The following TOP3A variants were observed in gnomAD, a reference collection of about 807,000 sequenced individuals.
TOP3A encodes the protein DNA topoisomerase III alpha.
TOP3A carries 64 observed loss-of-function variants against 111.3 expected under a neutral mutation model. The observed-to-expected ratio is 0.57, with a 90% CI of 0.47 to 0.71. The LOEUF (loss-of-function observed/expected upper bound fraction) is 0.71, where lower values mean the gene tolerates loss of function less well. Ranked by LOEUF, TOP3A falls within the 30% of genes least tolerant of loss-of-function variation. The pLI is 0.00. For synonymous variants in TOP3A, 484 were observed against 485.1 expected, an observed-to-expected ratio of 1.00 and a Z score of 0.03; for missense variants, 1,104 against 1,285.0, an observed-to-expected ratio of 0.86 and a Z score of 2.15.
intron 16 of TOP3A, among the ~76,000 whole-genome samples, chr17:18,281,178 C>G (rs1010223030): frequency 6.6e-6 from 1 of 152,208 alleles, no homozygotes; most frequent in African/African-American, 2.4e-5. Flanking sequence ...TTTTTCAACA[C>G]CTTGCAGTCA....
intron 5 of TOP3A, among the ~76,000 whole-genome samples, chr17:18,303,378 C>A (rs1981358762): frequency 6.6e-6 from 1 of 152,106 alleles, no homozygotes; most frequent in East Asian, 1.9e-4. Flanking sequence ...GCCCGACACT[C>A]GTAAAGGGTC....
intron 9 of TOP3A, among the ~76,000 whole-genome samples, chr17:18,298,234 G>A (rs1030045533): frequency 6.0e-5 from 8 of 133,806 alleles, no homozygotes; most frequent in African/African-American, 1.7e-4. Flanking sequence ...CAGCAGCCGC[G>A]CCGTCTGAGA....
intron 10 of TOP3A, 129 bp downstream of exon 10, chr17:18,294,574 C>T (rs3764405): frequency 0.29 from 186,738 of 651,956 alleles, 28,513 homozygotes; most frequent in African/African-American, 0.33. Flanking sequence ...GTGATCTGCC[C>T]GCCTCAGCCA....
rs763986208 is a variant in TOP3A at position 18,294,764 on chromosome 17, G to A, written c.1012C>T (p.Arg338Ter). 6 of 1,613,668 alleles carry A rather than the reference G, an allele frequency of 3.7e-6. No homozygotes were observed. Among genetic ancestry groups the A allele is most frequent in the Admixed American group, 3.3e-5 (2 of 59,970 alleles). The change falls in exon 10 of 19, where the codon CGA (arginine) becomes TGA (stop). Residue 338 changes from arginine to a stop codon, truncating the protein, a stop_gained. Transcript: ENST00000321105. LOFTEE classifies it high-confidence loss of function. ...DTVELEKLAS[R>*]KLRINAKETM... ...TCTTTAGCATTTATTCTCAACTTTC[G>A]AGAAGCCAGCTTCTCAAGCTCCTGT...
intron 13 of TOP3A, 123 bp from the exon 14 acceptor site, chr17:18,285,643 C>G (rs1265233668): frequency 1.4e-6 from 1 of 704,272 alleles, no homozygotes; most frequent in Non-Finnish European, 2.4e-6. Flanking sequence ...AGGTAAGATG[C>G]CTTCATTTCA....
chr17:18,308,453 TTA>T (rs769403461), intron 2 of TOP3A, 29 bp from the exon 3 acceptor site: 1 of 1,490,736 alleles, frequency 6.7e-7, no homozygotes, highest in Non-Finnish European at 9.3e-7. Context: ...CAAAATTCAG[TTA>T]GTCTTTTTGC....
chr17:18,297,558 G>A (rs1325606032), intron 9 of TOP3A, among the ~76,000 whole-genome samples: 7 of 152,302 alleles, frequency 4.6e-5, no homozygotes, highest in Non-Finnish European at 7.4e-5. Context: ...GACTGCCTGC[G>A]ATTGCAGGCG....
chr17:18,299,772 C>A (rs1981109523), intron 8 of TOP3A, 139 bp from the exon 9 acceptor site: 1 of 757,678 alleles, frequency 1.3e-6, no homozygotes, highest in Non-Finnish European at 2.3e-6. Flanking sequence ...TAGAAGAGTG[C>A]CCCACTTAAT....
At chr17:18,302,153 C>G (rs1245348765) in intron 7 of TOP3A, 111 bp downstream of exon 7, 1 of 1,424,218 alleles carries the variant, frequency 7.0e-7, no homozygotes, top group Non-Finnish European at 9.6e-7. Flanking sequence ...GGGAGGATGA[C>G]AGCAAGACTA....
intron 10 of TOP3A, among the ~76,000 whole-genome samples, chr17:18,294,415 C>A (rs746030365): frequency 3.9e-5 from 6 of 152,090 alleles, no homozygotes; most frequent in Non-Finnish European, 5.9e-5. Context: ...CTGCAACCTC[C>A]GCCTCCTGGG....
intron 17 of TOP3A, among the ~76,000 whole-genome samples, chr17:18,279,131 C>A (rs1451452487): frequency 1.3e-5 from 2 of 152,088 alleles, no homozygotes; most frequent in Non-Finnish European, 2.9e-5. Flanking sequence ...GCCAGACATA[C>A]AAATTGCAAA....
chr17:18,282,799 C>T lies in TOP3A; in HGVS notation c.1920G>A (p.Glu640=), dbSNP rs753053465. 2 of 1,614,212 alleles carry T rather than the reference C, an allele frequency of 1.2e-6. No individual in the cohort carries two copies. The highest frequency in any genetic ancestry group is 1.7e-6 in the Non-Finnish European group (2 of 1,180,044). The part of the protein sequence containing the change: ...ALAQYFGNGT[E]LAQQEDIYPA... ...GGTAGATATCTTCTTGCTGGGCCAA[C>T]TCTGTCCCATTCCCAAAGTACTGGG... is the stretch of plus-strand genomic sequence containing the variant. Residue 640 remains glutamate (E), a synonymous_variant, in exon 16 of 19, where the codon GAG becomes GAA. Coordinates refer to ENST00000321105, the MANE Select transcript of TOP3A (RefSeq NM_004618.5).
Position 18,272,846 on chromosome 17 carries a change from G to A in TOP3A, c.*1956C>T, listed in dbSNP as rs1979083485. The A allele has an allele frequency of 6.6e-6, 1 of 152,044 alleles. No homozygotes were observed. 9.4% of individuals were successfully genotyped at this position (152,044 alleles called of 1,614,324 possible). On this transcript the variant is annotated 3_prime_UTR_variant, in exon 19 of 19. Coordinates refer to ENST00000321105, the MANE Select transcript of TOP3A (RefSeq NM_004618.5). ...AATTTTTGTATTTTTTTAGAGACGG[G>A]GTTTCATCATATTGGTCAGGCTGGT...
rs755043610 is a variant in TOP3A, at chr17:18,278,047, C to T, written c.2455G>A (p.Ala819Thr). The change falls in exon 18 of 19, where the codon GCT becomes ACT. Residue 819 changes from alanine to threonine, a missense_variant. Physicochemically the swap from Ala to Thr is moderately conservative, Grantham distance 58. Transcript: ENST00000321105. ...NSVTCNCGQE[A>T]VLLTVRKEGP... is the part of the protein sequence containing the mutation. ...TCCTTACGGACAGTGAGCAGCACAG[C>T]CTCCTGGCCACAGTTGCAGGTCACA... The T allele has an allele frequency of 6.2e-7, 1 of 1,614,218 alleles. No homozygotes were observed. Among genetic ancestry groups the T allele is most frequent in the Non-Finnish European group, 8.5e-7 (1 of 1,180,048 alleles).
rs994600323 is a variant in TOP3A at position 18,272,170 on chromosome 17, A to G, written c.*2632T>C. On this transcript the variant is annotated 3_prime_UTR_variant, in exon 19 of 19. Coordinates refer to ENST00000321105, the MANE Select transcript of TOP3A (RefSeq NM_004618.5). ...CAGTAAGCCTGTGGAAAGATGGTCA[A>G]TGTCATTAATGACTAGGAAAATGCA... 2.0e-4 allele frequency among the ~76,000 whole-genome samples: 30 copies of G among 152,380 alleles called. No homozygotes were observed. Among genetic ancestry groups the G allele is most frequent in the Non-Finnish European group, 4.0e-4 (27 of 68,032 alleles).
At chr17:18,284,817 T>C (rs950728989) in intron 15 of TOP3A, among the ~76,000 whole-genome samples, 8 of 152,132 alleles carry the variant, frequency 5.3e-5, no homozygotes, top group Admixed American at 1.3e-4. Context: ...GAGAATGGTA[T>C]TTCTAAAGCC....
chr17:18,303,997 C>T (rs1249166244), intron 5 of TOP3A, among the ~76,000 whole-genome samples: 2 of 152,136 alleles, frequency 1.3e-5, no homozygotes, highest in African/African-American at 4.8e-5. Context: ...GACAGTCTCA[C>T]TCTGTCACCC....
Position 18,284,373 on chromosome 17 carries a change from G to A in TOP3A, c.1877+769C>T, listed in dbSNP as rs117294791. Among the ~76,000 whole-genome samples, 12 of 152,134 alleles carry A rather than the reference G, an allele frequency of 7.9e-5. No homozygotes were observed. The East Asian group carries it at 1.5e-3, about 20-fold the overall frequency. ...GCATGATTGACAAATCACTGGCCAC[G>A]TGTGATCAACTCAACCTCCAGCCCC... On this transcript the variant is annotated intron_variant, in intron 15 of 18. Transcript: ENST00000321105.
Position 18,272,768 on chromosome 17 carries a change from A to G in TOP3A, c.*2034T>C, listed in dbSNP as rs1417773143. 2 of 151,674 alleles carry G rather than the reference A, an allele frequency of 1.3e-5. No homozygotes were observed. The highest frequency in any genetic ancestry group is 2.9e-5 in the Non-Finnish European group (2 of 67,930). The allele number at this position is 151,674 out of a possible 1,614,324, so 9.4% of individuals were successfully genotyped here. ...AATGGCCCGATCTCAGCTCACTGCAACCTCTGCTTCCTGAGTAGCTGGGAT... is the reference window on the plus strand; with the variant it reads ...AATGGCCCGATCTCAGCTCACTGCAGCCTCTGCTTCCTGAGTAGCTGGGAT... On this transcript the variant is annotated 3_prime_UTR_variant, in exon 19 of 19. Coordinates refer to ENST00000321105, the MANE Select transcript of TOP3A (RefSeq NM_004618.5).
Sources: allele counts gnomAD v4.1 joint callset (sites outside exome capture counted in the v4.1 genomes callset), GRCh38; gene constraint gnomAD v4.1.1; transcripts MANE v1.5; gene names NCBI Gene and HGNC (gene_info 2026-07-23, HGNC 2026-07-21).